Variants in NHSL1 observed in about 807,000 individuals in gnomAD.
NHSL1 encodes NHS-like protein 1.
NHSL1 carries 48 observed loss-of-function variants against 95.0 expected under a neutral mutation model. The observed-to-expected ratio is 0.51, with a 90% CI of 0.40 to 0.64. The LOEUF (loss-of-function observed/expected upper bound fraction) is 0.64, where lower values mean the gene tolerates loss of function less well. NHSL1 is among the 30% of genes least tolerant of loss of function. The pLI, the probability that NHSL1 is intolerant of heterozygous loss-of-function variation, is 0.00. For missense variants in NHSL1, 1,971 were observed against 2,077.7 expected (o/e 0.95, Z 1.00); for synonymous variants, 783 against 833.9 (o/e 0.94, Z 1.05).
At chr6:138,498,876 G>A (rs1400096689) in intron 1 of NHSL1, among the ~76,000 whole-genome samples, 1 of 152,158 alleles carries the variant, frequency 6.6e-6, no homozygotes, top group Non-Finnish European at 1.5e-5. Context: ...GATATCAAGG[G>A]AAACATAAAT....
intron 1 of NHSL1, among the ~76,000 whole-genome samples, chr6:138,604,728 C>T (rs1373874761): frequency 1.3e-5 from 2 of 152,094 alleles, no homozygotes; most frequent in Admixed American, 6.5e-5. Context: ...TGGGTTCAAG[C>T]GATTCTTATG....
chr6:138,441,834 CT>C, intron 5 of NHSL1, 148 bp downstream of exon 5: 1 of 633,414 alleles, frequency 1.6e-6, no homozygotes, highest in Non-Finnish European at 2.5e-6. Flanking sequence ...AGATTTGCAC[CT>C]AATGCCTCAT....
intron 1 of NHSL1, among the ~76,000 whole-genome samples, chr6:138,664,006 G>C (rs554367783): frequency 2.5e-4 from 38 of 152,310 alleles, no homozygotes; most frequent in African/African-American, 4.3e-4. Flanking sequence ...ATATTTTAAA[G>C]TCTGGCTTTA....
chr6:138,610,101 C>T (rs560206255), intron 1 of NHSL1, among the ~76,000 whole-genome samples: 1 of 152,286 alleles, frequency 6.6e-6, no homozygotes, highest in South Asian at 2.1e-4. Flanking sequence ...TGTTTGCTCC[C>T]ACAGGGCCCC....
intron 1 of NHSL1, among the ~76,000 whole-genome samples, chr6:138,564,340 G>A (rs1783525912): frequency 6.6e-6 from 1 of 151,964 alleles, no homozygotes; most frequent in Non-Finnish European, 1.5e-5. Context: ...GTTCCCCTTT[G>A]ATCCATCACT....
In NHSL1 at chr6:138,424,615, A is replaced by AGTT; in HGVS notation, c.4286_4287insAAC (p.Arg1429_Ser1430insThr). Reference sequence around the variant, plus strand: ...CAGACATGCGGGCGCTGGTGTCTGAACGACTGCCCTTTTTCAGCAGCAGAG... The same window carrying AGTT: ...CAGACATGCGGGCGCTGGTGTCTGAAGTTCGACTGCCCTTTTTCAGCAGCAGAG... On this transcript the variant is annotated inframe_insertion, in exon 8 of 8. Transcript: ENST00000343505. This position sits in a 1 kb window ranked among gnomAD's most constrained non-coding sequence, Gnocchi z 5.9. 6.4e-7 allele frequency: 1 copy of AGTT among 1,551,450 alleles called. No homozygotes were observed. Among genetic ancestry groups the AGTT allele is most frequent in the Non-Finnish European group, 8.7e-7 (1 of 1,146,930 alleles).
chr6:138,635,477 G>C (rs139190472), intron 1 of NHSL1, among the ~76,000 whole-genome samples: 16 of 152,174 alleles, frequency 1.1e-4, no homozygotes, highest in African/African-American at 3.6e-4. Flanking sequence ...TACCAAGATT[G>C]AACCATGAAG....
intron 1 of NHSL1, among the ~76,000 whole-genome samples, chr6:138,676,115 A>G (rs981326624): frequency 6.6e-6 from 1 of 152,214 alleles, no homozygotes; most frequent in African/African-American, 2.4e-5. Context: ...AAAAGAGGAA[A>G]ATGACATCAA....
At position 138,692,566 on chromosome 6, in the gene NHSL1, C is replaced by T; in HGVS notation, c.7G>A (p.Ala3Thr). 1.0e-5 allele frequency: 2 copies of T among 195,536 alleles called. No individual in the cohort carries two copies. Among genetic ancestry groups the T allele is most frequent in the Non-Finnish European group, 1.0e-5 (1 of 97,440 alleles). 12.1% of individuals were successfully genotyped at this position (195,536 alleles called of 1,614,324 possible). Residue 3 changes from alanine to threonine, a missense_variant, in exon 1 of 4, where the codon GCG becomes ACG. Transcript: ENST00000491526. The surrounding 1 kb of genome is among the most constrained non-coding windows in gnomAD (Gnocchi z 4.0). The stretch of plus-strand genomic sequence containing the variant: ...AGCGCGGCGGTGCGGTGGCCCAGCG[C>T]GGCCGCCTGGCCCTCGAGCTCGCCG...
At chr6:138,478,730 C>T (rs1266397166) in intron 2 of NHSL1, among the ~76,000 whole-genome samples, 1 of 152,218 alleles carries the variant, frequency 6.6e-6, no homozygotes, top group Admixed American at 6.5e-5. Context: ...ACATATTCTT[C>T]TTGCAACAGA....
At chr6:138,551,568 C>T (rs995488521) in intron 1 of NHSL1, among the ~76,000 whole-genome samples, 3 of 152,222 alleles carry the variant, frequency 2.0e-5, no homozygotes, top group African/African-American at 7.2e-5. Context: ...CCCTACTATT[C>T]TACAATACTT....
chr6:138,646,330 G>T (rs576706104), intron 1 of NHSL1, among the ~76,000 whole-genome samples: 1 of 152,202 alleles, frequency 6.6e-6, no homozygotes, highest in South Asian at 2.1e-4. Context: ...ATAATATATT[G>T]AAAAGACTCA....
chr6:138,589,245 G>A (rs1466427486), intron 1 of NHSL1, among the ~76,000 whole-genome samples: 5 of 152,292 alleles, frequency 3.3e-5, no homozygotes, highest in African/African-American at 1.2e-4. Context: ...GTATGGGTGA[G>A]GCGTGAAGGA....
chr6:138,475,937 T>C (rs1054908095), intron 2 of NHSL1, among the ~76,000 whole-genome samples: 7 of 152,186 alleles, frequency 4.6e-5, no homozygotes, highest in African/African-American at 1.7e-4. Context: ...CACTCCAGCC[T>C]GGGCAACAGA....
Position 138,515,258 on chromosome 6 carries a change from C to T in NHSL1, c.17-18887G>A, listed in dbSNP as rs530699061. On this transcript the variant is annotated intron_variant, in intron 1 of 4. Coordinates refer to the NHSL1 transcript ENST00000342260. The stretch of plus-strand genomic sequence containing the variant: ...GCAAAAACTGAGGCTAACAGGAGAC[C>T]GCTGTAAAATATCTGCAGCCACTAA... Among the ~76,000 whole-genome samples the T allele has an allele frequency of 5.3e-5, 8 of 152,214 alleles. No homozygotes were observed. In the South Asian group the frequency reaches 1.7e-3, roughly 32 times the overall value.
At chr6:138,688,017 T>C (rs1785609785) in intron 1 of NHSL1, among the ~76,000 whole-genome samples, 1 of 152,144 alleles carries the variant, frequency 6.6e-6, no homozygotes, top group Non-Finnish European at 1.5e-5. Context: ...AGTGGCGCCA[T>C]CTCGGGTCAC....
At chr6:138,654,575 A>G (rs1785132472) in intron 1 of NHSL1, among the ~76,000 whole-genome samples, 1 of 152,136 alleles carries the variant, frequency 6.6e-6, no homozygotes, top group Admixed American at 6.6e-5. Context: ...TTTCCATATC[A>G]TTCTTTTTTT....
intron 1 of NHSL1, among the ~76,000 whole-genome samples, chr6:138,631,815 C>A (rs1296513570): frequency 6.6e-6 from 1 of 152,090 alleles, no homozygotes; most frequent in Non-Finnish European, 1.5e-5. Flanking sequence ...AGGGGCAAGG[C>A]TCCTTCTGCT....
chr6:138,602,977 A>G (rs1307029990), intron 1 of NHSL1, among the ~76,000 whole-genome samples: 1 of 152,252 alleles, frequency 6.6e-6, no homozygotes, highest in Non-Finnish European at 1.5e-5. Context: ...TGAAGCACCC[A>G]CAGAAAAAGC....
Sources: gnomAD v4.1 joint callset for allele counts (sites outside exome capture counted in the v4.1 genomes callset) on GRCh38, gnomAD v4.1.1 for gene constraint, Gnocchi (gnomAD v3.1) non-coding constraint, MANE v1.5 for transcripts, NCBI Gene and HGNC (gene_info 2026-07-23, HGNC 2026-07-21) for gene names.